Variants in MAGI2 observed in about 807,000 individuals in gnomAD.
MAGI2 encodes the protein membrane associated guanylate kinase, WW and PDZ domain containing 2.
A neutral mutation model predicts 133.3 loss-of-function variants in MAGI2; 35 were observed. The ratio of observed to expected loss-of-function variants is 0.26; its 90% CI spans 0.20 to 0.35. The LOEUF is 0.35. MAGI2 is among the 10% of genes least tolerant of loss of function. MAGI2 has a pLI of 1.00. For missense variants in MAGI2, 1,636 were observed against 1,863.4 expected, an observed-to-expected ratio of 0.88 and a Z score of 2.25; for synonymous variants, 729 against 710.6, an observed-to-expected ratio of 1.03 and a Z score of -0.41.
intron 1 of MAGI2, among the ~76,000 whole-genome samples, chr7:79,283,639 C>A (rs1426811191): frequency 2.0e-5 from 3 of 152,052 alleles, no homozygotes; most frequent in African/African-American, 7.2e-5. Context: ...GAGAGGAAGT[C>A]TGCTAAGAGG....
intron 5 of MAGI2, among the ~76,000 whole-genome samples, chr7:78,495,751 T>C (rs143141590): frequency 3.3e-5 from 5 of 152,354 alleles, no homozygotes; most frequent in African/African-American, 1.2e-4. Flanking sequence ...TTCATGTGTT[T>C]AGAAAATATT....
At chr7:78,523,345 G>C (rs1229301459) in intron 3 of MAGI2, among the ~76,000 whole-genome samples, 2 of 151,998 alleles carry the variant, frequency 1.3e-5, no homozygotes, top group Admixed American at 6.6e-5. Flanking sequence ...AGAGATAATT[G>C]CCCGACGCCC....
At chr7:79,078,192 A>T (rs948374162) in intron 1 of MAGI2, among the ~76,000 whole-genome samples, 4 of 152,186 alleles carry the variant, frequency 2.6e-5, no homozygotes, top group Non-Finnish European at 5.9e-5. Flanking sequence ...AGGCCCATGG[A>T]ATAAAGGGGA....
intron 2 of MAGI2, among the ~76,000 whole-genome samples, chr7:78,762,480 A>G (rs1276712653): frequency 6.6e-6 from 1 of 150,446 alleles, no homozygotes; most frequent in Admixed American, 6.6e-5. Flanking sequence ...CAAAGAAAAG[A>G]AAAAAAAACA....
intron 5 of MAGI2, among the ~76,000 whole-genome samples, chr7:78,490,813 T>G (rs1440572899): frequency 6.6e-6 from 1 of 152,028 alleles, no homozygotes; most frequent in Non-Finnish European, 1.5e-5. Context: ...AGGGATCTCA[T>G]CTACCAATGG....
chr7:78,493,910 C>T (rs779762347), intron 5 of MAGI2, among the ~76,000 whole-genome samples: 10 of 152,070 alleles, frequency 6.6e-5, no homozygotes, highest in Non-Finnish European at 1.2e-4. Context: ...ATTGATAATA[C>T]CACTGGAAAG....
At chr7:79,137,501 G>A (rs73369382) in intron 1 of MAGI2, among the ~76,000 whole-genome samples, 2,470 of 142,592 alleles carry the variant, frequency 0.017, 82 homozygotes, top group African/African-American at 0.06. Context: ...AGTTTGTAGT[G>A]TAGTGTAGTG....
chr7:78,949,903 C>T (rs1189207229), intron 2 of MAGI2, among the ~76,000 whole-genome samples: 13 of 152,172 alleles, frequency 8.5e-5, no homozygotes, highest in Non-Finnish European at 1.6e-4. Context: ...TTCTCCTAGC[C>T]AATGCCTGAG....
intron 9 of MAGI2, among the ~76,000 whole-genome samples, chr7:78,276,408 G>C (rs1795060756): frequency 1.3e-5 from 2 of 151,956 alleles, no homozygotes; most frequent in African/African-American, 4.8e-5. Context: ...TTTTAAATCT[G>C]ACAATGCATC....
chr7:78,628,538 G>T (rs1255609637), intron 2 of MAGI2, among the ~76,000 whole-genome samples: 1 of 151,818 alleles, frequency 6.6e-6, no homozygotes, highest in Non-Finnish European at 1.5e-5. Context: ...AATATGCCAG[G>T]GAAATTTGAT....
chr7:79,250,140 G>A (rs191695792), intron 1 of MAGI2, among the ~76,000 whole-genome samples: 40 of 152,072 alleles, frequency 2.6e-4, no homozygotes, highest in African/African-American at 8.4e-4. Context: ...AAAAACATAT[G>A]TCAACATAAT....
At chr7:78,727,270 G>C (rs374827924) in intron 2 of MAGI2, among the ~76,000 whole-genome samples, 1 of 152,172 alleles carries the variant, frequency 6.6e-6, no homozygotes, top group African/African-American at 2.4e-5. Flanking sequence ...GAGAGAGAGA[G>C]AGTCATGCGC....
chr7:78,225,966 C>T (rs559765204), intron 10 of MAGI2, among the ~76,000 whole-genome samples: 2 of 152,224 alleles, frequency 1.3e-5, no homozygotes, highest in South Asian at 4.2e-4. Flanking sequence ...GGGAGTGCTT[C>T]TCAAACAATC....
chr7:78,848,075 A>G (rs909702022), intron 2 of MAGI2, among the ~76,000 whole-genome samples: 7 of 152,084 alleles, frequency 4.6e-5, no homozygotes, highest in African/African-American at 1.7e-4. Flanking sequence ...TGTAACTCCC[A>G]GATAAGTACC....
intron 9 of MAGI2, among the ~76,000 whole-genome samples, chr7:78,266,744 A>AT (rs936972909): frequency 4.6e-5 from 7 of 151,658 alleles, no homozygotes; most frequent in Admixed American, 6.6e-5. Flanking sequence ...CACCAGGCTA[A>AT]TTTTTTTGTA....
intron 2 of MAGI2, among the ~76,000 whole-genome samples, chr7:78,655,938 G>A (rs1306932712): frequency 1.5e-5 from 2 of 131,546 alleles, no homozygotes; most frequent in Admixed American, 1.9e-4. Context: ...CCGAGATCGC[G>A]CCACTGCACT....
intron 1 of MAGI2, among the ~76,000 whole-genome samples, chr7:79,315,345 TTGTA>T (rs761829035): frequency 9.0e-4 from 30 of 33,208 alleles, no homozygotes; most frequent in Non-Finnish European, 2.1e-3. Flanking sequence ...TTTTTTTTTT[TTGTA>T]TTTTTAGTAG....
chr7:78,900,585 A>C (rs568048387), intron 2 of MAGI2, among the ~76,000 whole-genome samples: 1 of 152,274 alleles, frequency 6.6e-6, no homozygotes, highest in African/African-American at 2.4e-5. Flanking sequence ...TTGCTCAGAT[A>C]TCATCTCAGA....
chr7:78,585,076 C>T (rs1803260146), intron 3 of MAGI2, among the ~76,000 whole-genome samples: 1 of 151,994 alleles, frequency 6.6e-6, no homozygotes, highest in Non-Finnish European at 1.5e-5. Flanking sequence ...AAAAGGGGTT[C>T]CAGAAAACAA....
Sources: gnomAD v4.1 joint callset for allele counts (sites outside exome capture counted in the v4.1 genomes callset) on GRCh38, gnomAD v4.1.1 for gene constraint, MANE v1.5 for transcripts, NCBI Gene and HGNC (gene_info 2026-07-23, HGNC 2026-07-21) for gene names.